The following HMGXB3 variants were observed in gnomAD, a reference collection of about 807,000 sequenced individuals.
The protein encoded by HMGXB3 is HMG domain-containing protein 3.
A neutral mutation model predicts 121.5 loss-of-function variants in HMGXB3; 45 were observed. The ratio of observed to expected loss-of-function variants is 0.37; its 90% confidence interval spans 0.29 to 0.47. The LOEUF is 0.47. Among genes scored for constraint, HMGXB3 ranks in the 20% least tolerant of loss-of-function variants. HMGXB3 has a pLI of 0.99. For missense variants in HMGXB3, 1,376 were observed against 1,602.2 expected, an observed-to-expected ratio of 0.86 and a Z score of 2.41; for synonymous variants, 590 against 624.1, an observed-to-expected ratio of 0.95 and a Z score of 0.81.
intron 19 of HMGXB3, among the ~76,000 whole-genome samples, chr5:150,051,103 C>T (rs998590471): frequency 2.6e-5 from 4 of 152,102 alleles, no homozygotes; most frequent in African/African-American, 9.7e-5. Flanking sequence ...AAGCTAAGGC[C>T]CAGAGGAGGA....
chr5:150,032,513 T>C lies in HMGXB3; in HGVS notation c.1893T>C (p.Tyr631=). 6.4e-7 allele frequency: 1 copy of C among 1,551,990 alleles called. No individual in the cohort carries two copies. The highest frequency in any genetic ancestry group is 1.2e-5 in the South Asian group (1 of 84,056). The change falls in exon 11 of 20, where the codon TAT becomes TAC. Residue 631 remains tyrosine, a synonymous_variant. Transcript: ENST00000502717. The part of the protein sequence containing the change: ...RGKCKNPSCS[Y]VYTNRHKPRI... ...AGTGCAAGAATCCCTCTTGTAGCTATGTCTACACCAACAGGCACAAACCTC... is the reference window on the plus strand; with the variant it reads ...AGTGCAAGAATCCCTCTTGTAGCTACGTCTACACCAACAGGCACAAACCTC...
rs201643282 is a variant in HMGXB3 at position 150,051,858 on chromosome 5, G to A, written c.3545G>A (p.Gly1182Asp). The A allele has an allele frequency of 1.1e-3, 1,703 of 1,550,928 alleles. 4 individuals are homozygous for A. The highest frequency in any genetic ancestry group is 1.1e-3 in the Non-Finnish European group (1,313 of 1,147,082). ...CATGCAGGCCTACAGCCCAATCCTG[G>A]TGACCCCAGTGCTGGGCACCACTCC... ...IVHAGLQPNP[G>D]DPSAGHHSLA... Residue 1182 changes from glycine (G) to aspartate (D), a missense_variant, in exon 20 of 20, where the codon GGT becomes GAT. Transcript: ENST00000502717.
intron 10 of HMGXB3, among the ~76,000 whole-genome samples, chr5:150,031,656 C>T (rs1452694484): frequency 6.6e-6 from 1 of 152,224 alleles, no homozygotes; most frequent in Non-Finnish European, 1.5e-5. Context: ...TTAAGATGAA[C>T]AGATTTTGAG....
chr5:150,015,112 G>A, intron 5 of HMGXB3: 1 of 348,812 alleles, frequency 2.9e-6, no homozygotes. Context: ...ATGTATTGCG[G>A]CCATCCAGTC....
rs1474632284 is a variant in HMGXB3 at position 150,036,880 on chromosome 5, A to C, written c.2228A>C (p.Glu743Ala). Residue 743 changes from glutamate (E) to alanine (A), a missense_variant, in exon 12 of 20, where the codon GAG becomes GCG. Around this residue, in one of 2 missense-constraint regions of HMGXB3, gnomAD observed 1,116 missense variants for 1,369.0 expected, o/e 0.82. Coordinates refer to ENST00000502717, the MANE Select transcript of HMGXB3 (RefSeq NM_014983.3). ...CAAACCTCTTGGTCGAATTATTATG[A>C]GTCTCCGTCCACGCAGTGCCTTCTC... ...IEQTSWSNYY[E>A]SPSTQCLLCS... is the part of the protein sequence containing the mutation. The C allele has an allele frequency of 6.4e-7, 1 of 1,551,704 alleles. No homozygotes were observed. The highest frequency in any genetic ancestry group is 8.7e-7 in the Non-Finnish European group (1 of 1,146,984).
intron 1 of HMGXB3, among the ~76,000 whole-genome samples, chr5:150,003,607 TAAAA>T (rs931401615): frequency 6.9e-6 from 1 of 144,706 alleles, no homozygotes; most frequent in African/African-American, 2.5e-5. Flanking sequence ...TATATAAAAT[TAAAA>T]AAAAAACTTA....
At chr5:150,028,181 G>C (rs1358219859) in intron 9 of HMGXB3, among the ~76,000 whole-genome samples, 3 of 151,940 alleles carry the variant, frequency 2.0e-5, no homozygotes. Context: ...AGCAGGGAGG[G>C]GACTTATAGG....
At chr5:150,037,011 T>G in intron 12 of HMGXB3, 74 bp downstream of exon 12, 1 of 1,256,316 alleles carries the variant, frequency 8.0e-7, no homozygotes, top group Non-Finnish European at 1.1e-6. Flanking sequence ...TCAGAAAACA[T>G]TAAAACTATA....
rs888878611 is a variant in HMGXB3, at chr5:150,052,754, G to C, written c.*562G>C. 10 of 154,248 alleles carry C rather than the reference G, an allele frequency of 6.5e-5. No homozygotes were observed. The highest frequency in any genetic ancestry group is 2.4e-4 in the African/African-American group (10 of 41,420). 9.6% of individuals were successfully genotyped at this position (154,248 alleles called of 1,614,324 possible). A position where few individuals can be genotyped will look rare whatever the true frequency, so the allele number is the denominator to read the frequency against. The stretch of plus-strand genomic sequence containing the variant: ...CTTGCTCTTCCTGTACCCACATTTG[G>C]GGGAAGCTGAGGAGGGAGGAACAGT... On this transcript the variant is annotated 3_prime_UTR_variant, in exon 20 of 20. Coordinates refer to ENST00000502717, the MANE Select transcript of HMGXB3 (RefSeq NM_014983.3).
At chr5:150,029,424 A>G (rs1349794842) in intron 9 of HMGXB3, among the ~76,000 whole-genome samples, 1 of 151,564 alleles carries the variant, frequency 6.6e-6, no homozygotes, top group African/African-American at 2.4e-5. Context: ...TGAATACCAG[A>G]TTGTCATACT....
intron 9 of HMGXB3, among the ~76,000 whole-genome samples, chr5:150,029,330 G>GT (rs79467916): frequency 0.32 from 44,445 of 139,342 alleles, 9,790 homozygotes; most frequent in African/African-American, 0.64. Context: ...TAGTTATCAA[G>GT]TTTTTTTTTT....
intron 6 of HMGXB3, among the ~76,000 whole-genome samples, chr5:150,021,078 T>C (rs141325210): frequency 1.1e-4 from 16 of 152,256 alleles, no homozygotes; most frequent in African/African-American, 1.7e-4. Flanking sequence ...AAGATCAAGC[T>C]CATGGCATGA....
intron 11 of HMGXB3, among the ~76,000 whole-genome samples, chr5:150,034,162 C>G (rs1330969960): frequency 6.6e-6 from 1 of 152,206 alleles, no homozygotes; most frequent in Non-Finnish European, 1.5e-5. Flanking sequence ...GATTCTCTTG[C>G]TCCACTGGAT....
At chr5:150,003,578 C>G (rs7734351) in intron 1 of HMGXB3, among the ~76,000 whole-genome samples, 2,133 of 151,558 alleles carry the variant, frequency 0.014, 40 homozygotes, top group African/African-American at 0.05. Flanking sequence ...GATTTCATCT[C>G]TATTATTATT....
intron 11 of HMGXB3, among the ~76,000 whole-genome samples, chr5:150,036,317 C>T (rs1296157644): frequency 6.6e-6 from 1 of 152,128 alleles, no homozygotes; most frequent in Non-Finnish European, 1.5e-5. Flanking sequence ...ACTGCTTGAG[C>T]ATCCCTAATC....
At chr5:150,014,864 G>A (rs1755924737) in intron 5 of HMGXB3, 3 of 569,086 alleles carry the variant, frequency 5.3e-6, no homozygotes, top group South Asian at 4.2e-5. Context: ...CCCAAACACT[G>A]GAGCAATTTT....
At chr5:150,005,598 CAAAAA>C (rs760181326) in intron 2 of HMGXB3, among the ~76,000 whole-genome samples, 4 of 82,042 alleles carry the variant, frequency 4.9e-5, no homozygotes, top group Non-Finnish European at 1.1e-4. Context: ...AAACTCCTCT[CAAAAA>C]AAAAAAAAAA....
chr5:150,037,452 A>G lies in HMGXB3; in HGVS notation c.2338A>G (p.Thr780Ala), dbSNP rs1360143164. 1 of 1,551,228 alleles carries G rather than the reference A, an allele frequency of 6.4e-7. No homozygotes were observed. The highest frequency in any genetic ancestry group is 8.7e-7 in the Non-Finnish European group (1 of 1,146,772). ...GCTGCTGACAGCCAGCCGTCTGCAG[A>G]CAGTGACTGCCCAGGTGAAGATGTG... The part of the protein sequence containing the change: ...CWLLTASRLQ[T>A]VTAQVKMCLN... The change falls in exon 13 of 20, where the codon ACA becomes GCA. Residue 780 changes from threonine (T) to alanine (A), a missense_variant. By Grantham distance (58) the Thr-to-Ala change is moderately conservative. Around this residue, in one of 2 missense-constraint regions of HMGXB3, gnomAD observed 1,116 missense variants for 1,369.0 expected, o/e 0.82. Coordinates refer to ENST00000502717, the MANE Select transcript of HMGXB3 (RefSeq NM_014983.3).
At chr5:150,050,146 C>T in intron 18 of HMGXB3, 106 bp from the exon 19 acceptor site, 2 of 993,142 alleles carry the variant, frequency 2.0e-6, no homozygotes, top group Admixed American at 4.0e-5. Context: ...GGCTTCGGCC[C>T]TGAAGCTGAT....
Sources: gnomAD v4.1 joint callset for allele counts (sites outside exome capture counted in the v4.1 genomes callset) on GRCh38, gnomAD v4.1.1 for gene constraint, gnomAD v4.1.1 regional missense constraint, MANE v1.5 for transcripts, NCBI Gene and HGNC (gene_info 2026-07-23, HGNC 2026-07-21) for gene names.